Variants in AEBP2 observed in about 807,000 individuals in gnomAD.
AEBP2 encodes the protein zinc finger protein AEBP2.
In AEBP2, 10 loss-of-function variants were observed where a neutral mutation model predicts 50.8. That is an observed-to-expected ratio of 0.20 (90% CI 0.12 to 0.33). AEBP2 has a LOEUF of 0.33. Among genes scored for constraint, AEBP2 ranks in the 10% least tolerant of loss-of-function variants. The probability of loss-of-function intolerance (pLI) is 1.00; values close to 1 mark genes in which losing one functional copy is unlikely to be tolerated. For synonymous variants in AEBP2, 296 were observed against 261.3 expected, an observed-to-expected ratio of 1.13 and a Z score of -1.28; for missense variants, 570 against 688.0, an observed-to-expected ratio of 0.83 and a Z score of 1.92.
At chr12:19,512,343 A>T in intron 5 of AEBP2, 55 bp from the exon 6 acceptor site, 4 of 1,275,964 alleles carry the variant, frequency 3.1e-6, no homozygotes, top group Non-Finnish European at 4.4e-6. Context: ...TTAACAATAC[A>T]TGAAAATGAT....
rs998690143 is a variant in AEBP2 at position 19,465,796 on chromosome 12, T to C, written c.879+3079T>C. On this transcript the variant is annotated intron_variant, in intron 2 of 7. Coordinates refer to ENST00000266508, the MANE Select transcript of AEBP2 (RefSeq NM_153207.5). Reference sequence around the variant, plus strand: ...GGCTTTTGTGATTGTTTTTTCTTTTTTTTTTTTTTTTTTGAGATGGAGTGT... The same window carrying C: ...GGCTTTTGTGATTGTTTTTTCTTTTCTTTTTTTTTTTTTGAGATGGAGTGT... Among the ~76,000 whole-genome samples the C allele has an allele frequency of 7.5e-3, 1,073 of 143,774 alleles. 4 individuals carry two copies. The highest frequency in any genetic ancestry group is 0.012 in the Non-Finnish European group (754 of 64,134). 94.3% of individuals were successfully genotyped at this position (143,774 alleles called of 152,430 possible). A position where few individuals can be genotyped will look rare whatever the true frequency, so the allele number is the denominator to read the frequency against.
At position 19,440,038 on chromosome 12, in the gene AEBP2, C is replaced by T; in HGVS notation, c.339C>T (p.Ser113=). 1.3e-6 allele frequency: 2 copies of T among 1,522,952 alleles called. No individual in the cohort carries two copies. The highest frequency in any genetic ancestry group is 2.0e-5 in the Admixed American group (1 of 49,988). 94.3% of individuals were successfully genotyped at this position (1,522,952 alleles called of 1,614,324 possible). A position where few individuals can be genotyped will look rare whatever the true frequency, so the allele number is the denominator to read the frequency against. Residue 113 remains serine, a synonymous_variant, in exon 1 of 8, where the codon AGC becomes AGT. Coordinates refer to ENST00000266508, the MANE Select transcript of AEBP2 (RefSeq NM_153207.5). Reference sequence around the variant, plus strand: ...AGGAGGAAGATGAGAGCAGCAGCAGCGGCGGGGGTGAGGAGGAGAGTAGCG... The same window carrying T: ...AGGAGGAAGATGAGAGCAGCAGCAGTGGCGGGGGTGAGGAGGAGAGTAGCG... ...DEEEEDESSS[S]GGGEEESSAE...
At chr12:19,445,927 G>T (rs777547749) in intron 1 of AEBP2, 4 of 151,894 alleles carry the variant, frequency 2.6e-5, no homozygotes, top group Non-Finnish European at 4.4e-5. Flanking sequence ...CTAGCTGAAC[G>T]TACATATTAA....
intron 1 of AEBP2, among the ~76,000 whole-genome samples, chr12:19,424,394 G>A (rs1011545232): frequency 2.6e-5 from 4 of 151,760 alleles, no homozygotes; most frequent in Admixed American, 6.6e-5. Context: ...AGGCTAAGAT[G>A]TCTTTTTTTC....
rs1026709021 is a variant in AEBP2, at chr12:19,440,627, C to G, written c.671+257C>G. 3.3e-6 allele frequency: 5 copies of G among 1,500,494 alleles called. No individual in the cohort carries two copies. The African/African-American group carries it at 5.5e-5, about 17-fold the overall frequency. 92.9% of individuals were successfully genotyped at this position (1,500,494 alleles called of 1,614,324 possible). On this transcript the variant is annotated intron_variant, in intron 1 of 7. Coordinates refer to ENST00000266508, the MANE Select transcript of AEBP2 (RefSeq NM_153207.5). ...TTTCCCCTCGGCGCTTCGCTCCTCA[C>G]GGACCTCAGGACGGCTCTAACTCGG...
At chr12:19,481,133 C>G (rs1414860991) in intron 3 of AEBP2, among the ~76,000 whole-genome samples, 3 of 117,040 alleles carry the variant, frequency 2.6e-5, no homozygotes, top group Non-Finnish European at 4.9e-5. Flanking sequence ...CCGAGTCTCA[C>G]TCTGTTGCCC....
intron 4 of AEBP2, among the ~76,000 whole-genome samples, chr12:19,499,734 GTT>G (rs1949038773): frequency 6.6e-6 from 1 of 151,952 alleles, no homozygotes; most frequent in Non-Finnish European, 1.5e-5. Flanking sequence ...GCAATGGTGA[GTT>G]TGAAATCCTG....
chr12:19,485,017 T>C (rs1397361697), intron 3 of AEBP2, among the ~76,000 whole-genome samples: 2 of 152,206 alleles, frequency 1.3e-5, no homozygotes, highest in Non-Finnish European at 1.5e-5. Context: ...GAAGTTCTTG[T>C]TCAGTGTGTG....
intron 1 of AEBP2, among the ~76,000 whole-genome samples, chr12:19,449,684 T>C (rs1401975748): frequency 1.3e-5 from 2 of 152,232 alleles, no homozygotes; most frequent in East Asian, 3.8e-4. Context: ...TCATTTTAGC[T>C]TTTTAAATTA....
intron 2 of AEBP2, among the ~76,000 whole-genome samples, chr12:19,468,998 C>T (rs377518057): frequency 2.4e-4 from 37 of 152,322 alleles, no homozygotes; most frequent in African/African-American, 8.2e-4. Context: ...CATCTCAGCT[C>T]ACTGCAACTT....
intron 1 of AEBP2, among the ~76,000 whole-genome samples, chr12:19,409,426 G>T (rs531002856): frequency 6.6e-6 from 1 of 151,110 alleles, no homozygotes; most frequent in Non-Finnish European, 1.5e-5. Flanking sequence ...TGAATATCTT[G>T]TCCCAAAGGG....
intron 1 of AEBP2, among the ~76,000 whole-genome samples, chr12:19,411,628 A>G (rs146058653): frequency 2.2e-4 from 33 of 152,342 alleles, no homozygotes; most frequent in African/African-American, 7.5e-4. Context: ...GTAAAGACTT[A>G]TAATACATAC....
chr12:19,440,945 A>G (rs1592715876), intron 1 of AEBP2, among the ~76,000 whole-genome samples: 1 of 152,250 alleles, frequency 6.6e-6, no homozygotes, highest in East Asian at 1.9e-4. Flanking sequence ...TGTGGTCTCC[A>G]ACGTGATTTT....
intron 4 of AEBP2, among the ~76,000 whole-genome samples, chr12:19,496,349 C>T (rs1461072137): frequency 2.6e-5 from 4 of 151,974 alleles, no homozygotes; most frequent in African/African-American, 9.7e-5. Context: ...ACCTTTTTGT[C>T]ATCTGTTTTA....
rs143959261 is a variant in AEBP2 at position 19,413,584 on chromosome 12, T to TA, written c.-17+9377dup. 1,103 of 599,692 alleles carry TA rather than the reference T, an allele frequency of 1.8e-3. 7 individuals are homozygous for TA. Among genetic ancestry groups the TA allele is most frequent in the African/African-American group, 0.015 (800 of 52,716 alleles). The allele number at this position is 599,692 out of a possible 1,614,324, so 37.1% of individuals were successfully genotyped here. A position where few individuals can be genotyped will look rare whatever the true frequency, so the allele number is the denominator to read the frequency against. The stretch of plus-strand genomic sequence containing the variant: ...TAAAAAATAAACTTGTTATGCAAAA[T>TA]AAAAAAAAAGAAATAAAAGAATGGC... On this transcript the variant is annotated intron_variant, in intron 1 of 3. Coordinates refer to the AEBP2 transcript ENST00000538425.
chr12:19,516,326 A>G (rs1949317586), intron 7 of AEBP2, among the ~76,000 whole-genome samples: 1 of 152,164 alleles, frequency 6.6e-6, no homozygotes, highest in African/African-American at 2.4e-5. Context: ...TAAAATTAGC[A>G]TCCTAAAAGA....
chr12:19,425,327 T>C (rs2095747972), intron 1 of AEBP2, among the ~76,000 whole-genome samples: 1 of 152,176 alleles, frequency 6.6e-6, no homozygotes, highest in Non-Finnish European at 1.5e-5. Flanking sequence ...TAGCTGGTAT[T>C]TTGAATGTTA....
At position 19,426,833 on chromosome 12, in the gene AEBP2, G is replaced by A. The variant is rs566841896; in HGVS notation, c.-17+22617G>A. Reference sequence around the variant, plus strand: ...GGAGAATCGCTTGAACCCAAGAAGCGGAGGTTGCAGTGGGCCAAGATCATG... The same window carrying A: ...GGAGAATCGCTTGAACCCAAGAAGCAGAGGTTGCAGTGGGCCAAGATCATG... On this transcript the variant is annotated intron_variant, in intron 1 of 3. Coordinates refer to the AEBP2 transcript ENST00000538425. Among the ~76,000 whole-genome samples the A allele has an allele frequency of 2.0e-4, 31 of 152,180 alleles. No homozygotes were observed. The South Asian group carries it at 4.4e-3, about 21-fold the overall frequency.
intron 1 of AEBP2, among the ~76,000 whole-genome samples, chr12:19,460,353 G>GT (rs1490281564): frequency 2.0e-5 from 3 of 152,038 alleles, no homozygotes; most frequent in Non-Finnish European, 4.4e-5. Flanking sequence ...CGTTCTTTTT[G>GT]TTTTTTGAGA....
Sources: gnomAD v4.1 joint callset for allele counts (sites outside exome capture counted in the v4.1 genomes callset) on GRCh38, gnomAD v4.1.1 for gene constraint, MANE v1.5 for transcripts, NCBI Gene and HGNC (gene_info 2026-07-23, HGNC 2026-07-21) for gene names.